The following PTPRD variants were observed in gnomAD, a reference collection of about 807,000 sequenced individuals.
The protein encoded by PTPRD is protein tyrosine phosphatase receptor type D.
PTPRD carries 34 observed loss-of-function variants against 214.5 expected under a neutral mutation model. That is an observed-to-expected ratio of 0.16 (90% confidence interval 0.12 to 0.21). The LOEUF (loss-of-function observed/expected upper bound fraction) is 0.21, where lower values mean the gene tolerates loss of function less well. PTPRD is among the 10% of genes least tolerant of loss of function. PTPRD has a pLI of 1.00. For synonymous variants in PTPRD, 1,128 were observed against 845.7 expected, an observed-to-expected ratio of 1.33 and a Z score of -5.79; for missense variants, 2,545 against 2,398.7, an observed-to-expected ratio of 1.06 and a Z score of -1.27.
chr9:8,791,383 A>C (rs1349040529), intron 11 of PTPRD, among the ~76,000 whole-genome samples: 1 of 151,716 alleles, frequency 6.6e-6, no homozygotes, highest in Non-Finnish European at 1.5e-5. Context: ...ACACCATCAC[A>C]CCCAGCTAAT....
At chr9:9,117,550 C>G (rs940336806) in intron 10 of PTPRD, among the ~76,000 whole-genome samples, 1 of 152,140 alleles carries the variant, frequency 6.6e-6, no homozygotes, top group Non-Finnish European at 1.5e-5. Flanking sequence ...GGTAGGCCAA[C>G]TGAGGAACAA....
intron 8 of PTPRD, among the ~76,000 whole-genome samples, chr9:9,404,152 G>C (rs926692393): frequency 2.0e-5 from 3 of 152,116 alleles, no homozygotes; most frequent in African/African-American, 7.2e-5. Context: ...AGGAGTGCAA[G>C]TAGGCCAGTG....
intron 8 of PTPRD, among the ~76,000 whole-genome samples, chr9:9,523,467 T>C (rs192564022): frequency 3.3e-5 from 5 of 152,316 alleles, no homozygotes; most frequent in African/African-American, 9.6e-5. Context: ...AAATAAATAT[T>C]GGATTATAGT....
At chr9:10,278,878 C>G (rs1382368537) in intron 3 of PTPRD, among the ~76,000 whole-genome samples, 2 of 151,972 alleles carry the variant, frequency 1.3e-5, no homozygotes, top group Admixed American at 6.6e-5. Flanking sequence ...TGGTTCAAGC[C>G]ATTCTCCTGC....
chr9:9,441,655 T>C (rs1244627578), intron 8 of PTPRD, among the ~76,000 whole-genome samples: 3 of 152,172 alleles, frequency 2.0e-5, no homozygotes, highest in Non-Finnish European at 4.4e-5. Context: ...TTACACTAAA[T>C]TCTGAATCAA....
intron 3 of PTPRD, among the ~76,000 whole-genome samples, chr9:10,316,222 G>A (rs1358658016): frequency 2.7e-5 from 4 of 149,196 alleles, no homozygotes; most frequent in Non-Finnish European, 4.5e-5. Flanking sequence ...TGATAAAGAC[G>A]ACTGTGCACT....
At chr9:10,141,718 C>A (rs1191448711) in intron 3 of PTPRD, among the ~76,000 whole-genome samples, 2 of 152,014 alleles carry the variant, frequency 1.3e-5, no homozygotes, top group Non-Finnish European at 2.9e-5. Context: ...ATCAAGCTAA[C>A]AATGACTTTC....
chr9:8,357,409 C>A (rs2077242057), intron 39 of PTPRD, among the ~76,000 whole-genome samples: 1 of 152,204 alleles, frequency 6.6e-6, no homozygotes. Context: ...CTCATGGAGT[C>A]TAGGCCTATT....
intron 8 of PTPRD, among the ~76,000 whole-genome samples, chr9:9,491,017 A>G (rs1299381097): frequency 6.6e-6 from 1 of 151,890 alleles, no homozygotes. Flanking sequence ...AGAATGAATA[A>G]AAATTAATGA....
At chr9:8,666,413 A>T (rs1010229549) in intron 12 of PTPRD, among the ~76,000 whole-genome samples, 6 of 152,182 alleles carry the variant, frequency 3.9e-5, no homozygotes, top group Admixed American at 2.0e-4. Context: ...TAAAAATCTT[A>T]TGTGAAAGGG....
At chr9:9,972,768 G>A (rs1373795208) in intron 4 of PTPRD, among the ~76,000 whole-genome samples, 1 of 152,006 alleles carries the variant, frequency 6.6e-6, no homozygotes, top group Admixed American at 6.6e-5. Flanking sequence ...TTGTCTTGTG[G>A]CTTACGGGCA....
chr9:10,202,301 G>A (rs555080759), intron 3 of PTPRD, among the ~76,000 whole-genome samples: 1 of 151,748 alleles, frequency 6.6e-6, no homozygotes, highest in South Asian at 2.1e-4. Flanking sequence ...GAAAGCAGGA[G>A]CCCCCCCACA....
intron 5 of PTPRD, among the ~76,000 whole-genome samples, chr9:9,823,187 T>C (rs1373688461): frequency 1.3e-5 from 2 of 152,064 alleles, no homozygotes; most frequent in Non-Finnish European, 2.9e-5. Flanking sequence ...AAAGAGGTAA[T>C]CAGTTCATAG....
intron 8 of PTPRD, among the ~76,000 whole-genome samples, chr9:9,405,496 A>T (rs1025913226): frequency 2.6e-5 from 4 of 151,738 alleles, no homozygotes; most frequent in South Asian, 2.1e-4. Context: ...ATCACTAGAA[A>T]CACACTTCAT....
intron 7 of PTPRD, among the ~76,000 whole-genome samples, chr9:9,632,579 T>C (rs922302897): frequency 2.0e-5 from 3 of 151,474 alleles, no homozygotes; most frequent in African/African-American, 7.3e-5. Context: ...TCTAAACAAA[T>C]CATACTTTTT....
intron 11 of PTPRD, among the ~76,000 whole-genome samples, chr9:8,780,730 A>G (rs960339462): frequency 3.3e-5 from 5 of 152,224 alleles, no homozygotes; most frequent in African/African-American, 1.2e-4. Flanking sequence ...AAGGCCAAGA[A>G]ATATTCTATC....
intron 2 of PTPRD, among the ~76,000 whole-genome samples, chr9:10,344,365 T>A (rs911969926): frequency 1.3e-5 from 2 of 152,130 alleles, no homozygotes; most frequent in Non-Finnish European, 2.9e-5. Context: ...TTCTGAGGCC[T>A]CTGTTCTGTT....
chr9:9,394,255 C>G (rs10977719), intron 9 of PTPRD, among the ~76,000 whole-genome samples: 39,773 of 151,882 alleles, frequency 0.26, 5,309 homozygotes, highest in Middle Eastern at 0.3. Context: ...ATGCTGAGAC[C>G]TTTTAAAAAA....
chr9:9,695,665 G>A (rs964812886), intron 7 of PTPRD, among the ~76,000 whole-genome samples: 3 of 152,038 alleles, frequency 2.0e-5, no homozygotes, highest in South Asian at 4.2e-4. Context: ...GATCAAATGT[G>A]TTTGTTCTCG....
Sources: gnomAD v4.1 joint callset for allele counts (sites outside exome capture counted in the v4.1 genomes callset) on GRCh38, gnomAD v4.1.1 for gene constraint, MANE v1.5 for transcripts, NCBI Gene and HGNC (gene_info 2026-07-23, HGNC 2026-07-21) for gene names.